Variants in ZFHX3 observed in about 807,000 individuals in gnomAD.
ZFHX3 encodes zinc finger homeobox protein 3.
In ZFHX3, 42 loss-of-function variants were observed where a neutral mutation model predicts 279.1. The observed-to-expected ratio is 0.15, with a 90% CI of 0.12 to 0.19. The LOEUF (loss-of-function observed/expected upper bound fraction) is 0.19, where lower values mean the gene tolerates loss of function less well. ZFHX3 is among the 10% of genes least tolerant of loss of function. The pLI is 1.00. For synonymous variants in ZFHX3, 2,293 were observed against 1,957.8 expected (o/e 1.17, Z -4.52); for missense variants, 4,981 against 4,754.0 (o/e 1.05, Z -1.40).
chr16:73,253,789 G>A (rs2144959922), intron 5 of ZFHX3, among the ~76,000 whole-genome samples: 1 of 152,202 alleles, frequency 6.6e-6, no homozygotes, highest in Non-Finnish European at 1.5e-5. Context: ...CACTGTGTAG[G>A]CAAGGAGCAG....
At chr16:73,348,273 C>G (rs902336096) in intron 3 of ZFHX3, among the ~76,000 whole-genome samples, 4 of 152,124 alleles carry the variant, frequency 2.6e-5, no homozygotes, top group African/African-American at 9.7e-5. Context: ...AAAATAAGTC[C>G]TAAGGAAAAG....
chr16:73,511,478 T>G (rs540936990), intron 2 of ZFHX3, among the ~76,000 whole-genome samples: 2 of 152,146 alleles, frequency 1.3e-5, no homozygotes, highest in East Asian at 3.8e-4. Flanking sequence ...GAGCAGAAGG[T>G]GGACTATGAA....
chr16:73,337,204 C>A (rs776679034), intron 3 of ZFHX3, among the ~76,000 whole-genome samples: 6 of 152,196 alleles, frequency 3.9e-5, no homozygotes, highest in Non-Finnish European at 7.3e-5. Flanking sequence ...TGCTCCTAAT[C>A]TGACCCAACC....
chr16:73,861,689 C>T (rs1961885022), intron 1 of ZFHX3, among the ~76,000 whole-genome samples: 5 of 152,196 alleles, frequency 3.3e-5, no homozygotes, highest in African/African-American at 1.2e-4. Context: ...AGCATCCAGT[C>T]ATCTGTTAAA....
chr16:73,710,806 G>C (rs2053354556), intron 1 of ZFHX3, among the ~76,000 whole-genome samples: 1 of 152,140 alleles, frequency 6.6e-6, no homozygotes, highest in Admixed American at 6.5e-5. Flanking sequence ...CAGTTTCCCA[G>C]GAGTCGCCTT....
chr16:73,117,336 C>G (rs1030019407), intron 7 of ZFHX3, among the ~76,000 whole-genome samples: 1 of 152,122 alleles, frequency 6.6e-6, no homozygotes, highest in Non-Finnish European at 1.5e-5. Flanking sequence ...TAAATACATA[C>G]CAATATGCAC....
At chr16:73,092,674 A>G (rs771619837) in intron 8 of ZFHX3, 9 of 280,476 alleles carry the variant, frequency 3.2e-5, no homozygotes, top group Non-Finnish European at 6.2e-5. Flanking sequence ...CCCGGGACAC[A>G]CACGCGGGCT....
intron 3 of ZFHX3, among the ~76,000 whole-genome samples, chr16:73,429,670 G>A (rs2017877281): frequency 6.6e-6 from 1 of 152,118 alleles, no homozygotes; most frequent in Non-Finnish European, 1.5e-5. Flanking sequence ...TTTTAAAAAT[G>A]TAAAATTGCC....
upstream of ZFHX3, among the ~76,000 whole-genome samples, chr16:73,048,813 T>G (rs1444492186): frequency 1.3e-5 from 2 of 152,320 alleles, no homozygotes; most frequent in East Asian, 3.9e-4. Context: ...TGCTCTCCGT[T>G]GAGAGTTTAA....
rs777347806 is a variant in ZFHX3 at position 72,959,393 on chromosome 16, G to C, written c.753C>G (p.Ala251=). 2 of 1,614,230 alleles carry C rather than the reference G, an allele frequency of 1.2e-6. No homozygotes were observed. Among genetic ancestry groups the C allele is most frequent in the Non-Finnish European group, 1.7e-6 (2 of 1,180,032 alleles). ...CATCTTTGGATACGCAGGAGCTTTTGGCAGAACCGTCGCTGTTCAGGTAAT... is the reference window on the plus strand; with the variant it reads ...CATCTTTGGATACGCAGGAGCTTTTCGCAGAACCGTCGCTGTTCAGGTAAT... ...NKDYLNSDGS[A]KSSCVSKDVP... The change falls in exon 2 of 10, where the codon GCC becomes GCG. Residue 251 remains alanine, a synonymous_variant. Transcript: ENST00000268489.
At chr16:72,963,083 AC>A (rs1412962103) in intron 1 of ZFHX3, among the ~76,000 whole-genome samples, 1 of 152,068 alleles carries the variant, frequency 6.6e-6, no homozygotes, top group Non-Finnish European at 1.5e-5. Flanking sequence ...GTCTGTAAAC[AC>A]GGTTTCCCGT....
chr16:73,161,966 A>T (rs1474914151), intron 5 of ZFHX3, among the ~76,000 whole-genome samples: 1 of 152,266 alleles, frequency 6.6e-6, no homozygotes, highest in Non-Finnish European at 1.5e-5. Context: ...TATGATTTAT[A>T]CTTGGGAACA....
chr16:73,099,716 A>C (rs1416729959), intron 7 of ZFHX3, among the ~76,000 whole-genome samples: 4 of 146,034 alleles, frequency 2.7e-5, no homozygotes, highest in Non-Finnish European at 5.9e-5. Flanking sequence ...ATCTCAAAAA[A>C]AAAAAAAAAA....
chr16:72,900,893 G>C (rs2039018429), intron 3 of ZFHX3, among the ~76,000 whole-genome samples: 1 of 152,232 alleles, frequency 6.6e-6, no homozygotes, highest in South Asian at 2.1e-4. Flanking sequence ...GAGATGTTCT[G>C]TTGCAGGGAG....
intron 3 of ZFHX3, among the ~76,000 whole-genome samples, chr16:73,444,541 A>G (rs1178427582): frequency 2.6e-5 from 4 of 152,266 alleles, no homozygotes; most frequent in Admixed American, 2.0e-4. Flanking sequence ...CCATTCAGAT[A>G]TATGACATAT....
intron 2 of ZFHX3, among the ~76,000 whole-genome samples, chr16:73,525,830 T>A (rs1460042827): frequency 6.6e-6 from 1 of 152,200 alleles, no homozygotes; most frequent in Non-Finnish European, 1.5e-5. Context: ...TGAGCTAACA[T>A]AATTCTCAAG....
chr16:73,694,138 C>A (rs986977569), intron 1 of ZFHX3, among the ~76,000 whole-genome samples: 2 of 151,716 alleles, frequency 1.3e-5, no homozygotes, highest in African/African-American at 4.8e-5. Context: ...GCCTGGCCAG[C>A]ATGGTGAAAC....
chr16:72,932,421 C>A (rs867465162), intron 3 of ZFHX3, among the ~76,000 whole-genome samples: 1 of 151,916 alleles, frequency 6.6e-6, no homozygotes, highest in South Asian at 2.1e-4. Context: ...CACTAGATCA[C>A]TTTTTGCTCC....
chr16:73,119,422 C>T (rs1407214217), intron 7 of ZFHX3, among the ~76,000 whole-genome samples: 1 of 152,156 alleles, frequency 6.6e-6, no homozygotes, highest in Non-Finnish European at 1.5e-5. Context: ...GCACTTTCTA[C>T]CATGGGGCTC....
Sources: gnomAD v4.1 joint callset for allele counts (sites outside exome capture counted in the v4.1 genomes callset) on GRCh38, gnomAD v4.1.1 for gene constraint, MANE v1.5 for transcripts, NCBI Gene and HGNC (gene_info 2026-07-23, HGNC 2026-07-21) for gene names.